The following MAPK10 variants were observed in gnomAD, a reference collection of about 807,000 sequenced individuals.
The protein encoded by MAPK10 is JNK3 alpha protein kinase.
A neutral mutation model predicts 59.3 loss-of-function variants in MAPK10; 25 were observed. The ratio of observed to expected loss-of-function variants is 0.42; its 90% CI spans 0.31 to 0.59. MAPK10 has a LOEUF of 0.59. MAPK10 is among the 20% of genes least tolerant of loss of function. MAPK10 has a pLI of 0.15. For missense variants in MAPK10, 351 were observed against 568.9 expected (o/e 0.62, Z 3.90); for synonymous variants, 190 against 200.5 (o/e 0.95, Z 0.44).
intron 1 of MAPK10, among the ~76,000 whole-genome samples, chr4:86,547,919 A>C (rs1759372333): frequency 6.6e-6 from 1 of 152,112 alleles, no homozygotes; most frequent in South Asian, 2.1e-4. Flanking sequence ...GGGATTGTAA[A>C]CGCACCAATC....
chr4:86,584,010 T>C lies in MAPK10; in HGVS notation c.-263+9900A>G, dbSNP rs72870604. The stretch of plus-strand genomic sequence containing the variant: ...TTACTTTTGGTTAAAAGACAGGTAA[T>C]GAATGTATGAATGTGTGTGAGTGTG... On this transcript the variant is annotated intron_variant, in intron 1 of 4. Transcript: ENST00000502302. Among the ~76,000 whole-genome samples the C allele has an allele frequency of 8.6e-3, 1,311 of 152,262 alleles. 17 individuals carry two copies. Among genetic ancestry groups the C allele is most frequent in the African/African-American group, 0.029 (1,197 of 41,538 alleles).
chr4:86,058,344 T>C (rs2045054360), intron 11 of MAPK10, among the ~76,000 whole-genome samples: 1 of 149,372 alleles, frequency 6.7e-6, no homozygotes, highest in Admixed American at 6.6e-5. Context: ...GATGCTGTCC[T>C]CCCCCTTTCT....
chr4:86,250,950 A>G (rs1342373582), intron 2 of MAPK10, among the ~76,000 whole-genome samples: 1 of 152,134 alleles, frequency 6.6e-6, no homozygotes, highest in Non-Finnish European at 1.5e-5. Context: ...TCATGCAGTT[A>G]AAGTGTTGCT....
chr4:86,075,612 AGACAGGACCCTCAGCTGCAG>A (rs2049148728), intron 9 of MAPK10, among the ~76,000 whole-genome samples: 1 of 152,026 alleles, frequency 6.6e-6, no homozygotes, highest in Non-Finnish European at 1.5e-5. Context: ...TCCTTCTAAC[AGACAGGACCCTCAGCTGCAG>A]GTCTGTTGGA....
At chr4:86,349,431 G>A (rs192265850) in intron 2 of MAPK10, among the ~76,000 whole-genome samples, 1 of 152,178 alleles carries the variant, frequency 6.6e-6, no homozygotes, top group Non-Finnish European at 1.5e-5. Context: ...TTTATGCAGT[G>A]CCTATCAAGT....
At position 86,302,626 on chromosome 4, in the gene MAPK10, G is replaced by T. The variant is rs55691732; in HGVS notation, c.-7+51904C>A. On this transcript the variant is annotated intron_variant, in intron 2 of 13. Coordinates refer to ENST00000641462, the MANE Select transcript of MAPK10 (RefSeq NM_138982.4). ...ACTATTTGTAAGTGACCTATTTAGG[G>T]AGTAAATACTGGAAATCACTCTTCG... Among the ~76,000 whole-genome samples, 864 of 152,166 alleles carry T rather than the reference G, an allele frequency of 5.7e-3. 11 individuals are homozygous for T. Among genetic ancestry groups the T allele is most frequent in the African/African-American group, 0.02 (813 of 41,510 alleles).
At chr4:86,424,000 A>G (rs1338476210) in intron 1 of MAPK10, among the ~76,000 whole-genome samples, 1 of 151,950 alleles carries the variant, frequency 6.6e-6, no homozygotes, top group African/African-American at 2.4e-5. Flanking sequence ...CATATGTAGA[A>G]GAAGTGCCTG....
chr4:86,210,399 T>C (rs2085443477), intron 2 of MAPK10, among the ~76,000 whole-genome samples: 1 of 151,564 alleles, frequency 6.6e-6, no homozygotes, highest in African/African-American at 2.4e-5. Context: ...TAACAGAATA[T>C]ATAAGGAGCT....
At chr4:86,580,539 T>C (rs935869885) in intron 1 of MAPK10, among the ~76,000 whole-genome samples, 1 of 152,188 alleles carries the variant, frequency 6.6e-6, no homozygotes, top group African/African-American at 2.4e-5. Flanking sequence ...TGTTCTTACT[T>C]TGCCTTAATT....
intron 2 of MAPK10, among the ~76,000 whole-genome samples, chr4:86,215,591 G>A (rs1444787648): frequency 6.6e-6 from 1 of 152,212 alleles, no homozygotes. Context: ...GCAGGGCACA[G>A]TGGCTCATGC....
chr4:86,235,812 A>C (rs1023904042), intron 2 of MAPK10, among the ~76,000 whole-genome samples: 1 of 152,210 alleles, frequency 6.6e-6, no homozygotes, highest in Non-Finnish European at 1.5e-5. Context: ...TCAAAAAATT[A>C]ACACATTTGA....
At chr4:86,548,451 A>G (rs1046730036) in intron 1 of MAPK10, among the ~76,000 whole-genome samples, 3 of 152,198 alleles carry the variant, frequency 2.0e-5, no homozygotes, top group African/African-American at 7.2e-5. Flanking sequence ...ACAATAGTAG[A>G]TAACTGCTAT....
chr4:86,033,432 C>A (rs1393459368), intron 11 of MAPK10, among the ~76,000 whole-genome samples: 3 of 152,240 alleles, frequency 2.0e-5, no homozygotes, highest in African/African-American at 7.2e-5. Flanking sequence ...TCCTGCCTGG[C>A]TGGCTTCTCC....
chr4:86,232,608 C>T (rs1330661711), intron 2 of MAPK10, among the ~76,000 whole-genome samples: 12 of 152,120 alleles, frequency 7.9e-5, no homozygotes, highest in Admixed American at 5.9e-4. Context: ...CTCCTGACCT[C>T]GTGATCCGCC....
chr4:86,089,216 A>G (rs1335267234), intron 9 of MAPK10: 3 of 1,611,674 alleles, frequency 1.9e-6, no homozygotes, highest in African/African-American at 1.3e-5. Context: ...GATCAGTGCC[A>G]GGAAACAGCA....
At chr4:86,282,007 A>C (rs2094828097) in intron 2 of MAPK10, among the ~76,000 whole-genome samples, 2 of 152,184 alleles carry the variant, frequency 1.3e-5, no homozygotes, top group Admixed American at 1.3e-4. Context: ...ACAACTGGGA[A>C]AAATTTAAGA....
chr4:86,120,794 G>A (rs1333278045), intron 4 of MAPK10, among the ~76,000 whole-genome samples: 1 of 152,114 alleles, frequency 6.6e-6, no homozygotes. Context: ...GAAAACTTGG[G>A]AAATTAGACT....
At position 86,038,417 on chromosome 4, in the gene MAPK10, A is replaced by G. The variant is rs184041258; in HGVS notation, c.1111-6986T>C. Reference sequence around the variant, plus strand: ...TTGGCAGTTAGATGATTGTCAAAAGATGCATGCTTTATTAAAACGCTTTAA... The same window carrying G: ...TTGGCAGTTAGATGATTGTCAAAAGGTGCATGCTTTATTAAAACGCTTTAA... On this transcript the variant is annotated intron_variant, in intron 11 of 13. Transcript: ENST00000641462. 4.6e-5 allele frequency among the ~76,000 whole-genome samples: 7 copies of G among 152,314 alleles called. No individual in the cohort carries two copies. The East Asian group carries it at 1.4e-3, about 29-fold the overall frequency.
At chr4:86,317,247 T>C (rs1039954364) in intron 2 of MAPK10, among the ~76,000 whole-genome samples, 20 of 152,114 alleles carry the variant, frequency 1.3e-4, no homozygotes, top group Admixed American at 8.5e-4. Flanking sequence ...AGAGTCTCTC[T>C]CCTAGTCTCA....
Sources: gnomAD v4.1 joint callset for allele counts (sites outside exome capture counted in the v4.1 genomes callset) on GRCh38, gnomAD v4.1.1 for gene constraint, MANE v1.5 for transcripts, NCBI Gene and HGNC (gene_info 2026-07-23, HGNC 2026-07-21) for gene names.